CLECL1: variants seen among roughly 807,000 people sequenced by gnomAD.
The protein encoded by CLECL1 is C-type lectin-like domain family 1.
the CLECL1 span, among the ~76,000 whole-genome samples, chr12:9,704,816 G>A: frequency 6.6e-6 from 1 of 152,130 alleles, no homozygotes; most frequent in Non-Finnish European, 1.5e-5. Context: ...TATCGTTGAT[G>A]GGCATTTAGG....
intron 1 of CLECL1, among the ~76,000 whole-genome samples, chr12:9,729,771 A>G (rs756891279): frequency 1.3e-5 from 2 of 152,132 alleles, no homozygotes; most frequent in Non-Finnish European, 2.9e-5. Context: ...CTCACCTATC[A>G]TGTTCCTGAG....
At chr12:9,712,501 C>A (rs1866207221), downstream of CLECL1, among the ~76,000 whole-genome samples, 2 of 152,196 alleles carry the variant, frequency 1.3e-5, no homozygotes, top group Non-Finnish European at 2.9e-5. Context: ...CAAATGAAAT[C>A]TTTTTATTTC....
At chr12:9,721,124 C>T (rs1866304458), downstream of CLECL1, among the ~76,000 whole-genome samples, 1 of 152,130 alleles carries the variant, frequency 6.6e-6, no homozygotes, top group Admixed American at 6.5e-5. Context: ...TGCCTCTTTC[C>T]CTGCCCCTCT....
At chr12:9,714,611 GA>G (rs1394429897), downstream of CLECL1, among the ~76,000 whole-genome samples, 4 of 152,198 alleles carry the variant, frequency 2.6e-5, no homozygotes, top group Non-Finnish European at 5.9e-5. Flanking sequence ...TGCCTTACAG[GA>G]TGAGTGAATC....
At chr12:9,712,379 A>G (rs4763283), downstream of CLECL1, among the ~76,000 whole-genome samples, 97,038 of 152,038 alleles carry the variant, frequency 0.64, 31,275 homozygotes, top group African/African-American at 0.72. Context: ...AAGTTACTAT[A>G]TGATGAGGCT....
At chr12:9,707,620 G>C in the CLECL1 span, among the ~76,000 whole-genome samples, 1 of 152,178 alleles carries the variant, frequency 6.6e-6, no homozygotes, top group East Asian at 1.9e-4. Context: ...CACTGAAGAA[G>C]CAAGCCACAC....
the CLECL1 span, among the ~76,000 whole-genome samples, chr12:9,709,754 A>C: frequency 1.4e-4 from 22 of 152,174 alleles, no homozygotes; most frequent in Non-Finnish European, 2.5e-4. Context: ...AGACTGGAGA[A>C]GCACACACTT....
the CLECL1 span, among the ~76,000 whole-genome samples, chr12:9,710,367 T>G: frequency 6.6e-6 from 1 of 152,100 alleles, no homozygotes; most frequent in Non-Finnish European, 1.5e-5. Flanking sequence ...GAATGCCCCC[T>G]GTCAGTGGGA....
At chr12:9,723,522 G>A (rs1863827585) in intron 3 of CLECL1, among the ~76,000 whole-genome samples, 1 of 151,964 alleles carries the variant, frequency 6.6e-6, no homozygotes, top group Non-Finnish European at 1.5e-5. Flanking sequence ...TTCTAGAGGG[G>A]AGATGACACT....
intron 1 of CLECL1, 48 bp downstream of exon 1, chr12:9,732,901 A>T (rs765114525): frequency 1.4e-6 from 2 of 1,428,924 alleles, no homozygotes; most frequent in Non-Finnish European, 1.9e-6. Flanking sequence ...AATAAAGGAG[A>T]TAACTAGTAA....
chr12:9,715,420 G>A (rs779008497), downstream of CLECL1, among the ~76,000 whole-genome samples: 54 of 152,294 alleles, frequency 3.5e-4, no homozygotes, highest in African/African-American at 1.2e-3. Context: ...GAGGTTCAAA[G>A]GGGTCATAGC....
intron 3 of CLECL1, among the ~76,000 whole-genome samples, chr12:9,724,192 AAAAAAG>A (rs1383248172): frequency 2.7e-5 from 4 of 150,520 alleles, no homozygotes; most frequent in East Asian, 2.3e-4. Context: ...ATGAAAAAAA[AAAAAAG>A]AAAAAGAAAA....
chr12:9,720,680 G>A (rs1252199345), downstream of CLECL1, among the ~76,000 whole-genome samples: 2 of 152,082 alleles, frequency 1.3e-5, no homozygotes, highest in African/African-American at 4.8e-5. Flanking sequence ...CTCCAGGTCT[G>A]CATCACAATG....
chr12:9,722,505 C>T, downstream of CLECL1: 2 of 1,329,396 alleles, frequency 1.5e-6, no homozygotes, highest in Non-Finnish European at 9.7e-7. Context: ...TGTAATTCAA[C>T]AATTCATTCA....
exon 3 of CLECL1, chr12:9,716,665 G>A: frequency 1.8e-6 from 1 of 541,800 alleles, no homozygotes; most frequent in South Asian, 2.4e-5. Flanking sequence ...TTCATCAGAG[G>A]CCTCTTCCTA....
downstream of CLECL1, chr12:9,718,911 C>T (rs532546586): frequency 2.7e-4 from 158 of 580,696 alleles, no homozygotes; most frequent in Non-Finnish European, 4.1e-4. Context: ...TTGAAACAGC[C>T]CTAGCATATT....
chr12:9,716,612 T>C (rs57357049), exon 3 of CLECL1: 55,081 of 276,838 alleles, frequency 0.2, 7,761 homozygotes, highest in African/African-American at 0.48. Context: ...CTTGTCCCAT[T>C]CCTCTTGCTC....
chr12:9,719,899 AT>A (rs1390318667), downstream of CLECL1, among the ~76,000 whole-genome samples: 1 of 152,036 alleles, frequency 6.6e-6, no homozygotes, highest in Non-Finnish European at 1.5e-5. Flanking sequence ...TTTAGTTTCC[AT>A]TTTCACAGTG....
downstream of CLECL1, chr12:9,722,468 A>G: frequency 1.3e-6 from 1 of 755,708 alleles, no homozygotes. Flanking sequence ...TCCTAGCCGG[A>G]AAAAAAAAAA....
Sources: gnomAD v4.1 joint callset for allele counts (sites outside exome capture counted in the v4.1 genomes callset) on GRCh38, gnomAD v4.1.1 for gene constraint, MANE v1.5 for transcripts, NCBI Gene and HGNC (gene_info 2026-07-23, HGNC 2026-07-21) for gene names.